ZDHHC14: variants seen among roughly 807,000 people sequenced by gnomAD.
The protein encoded by ZDHHC14 is zDHHC palmitoyltransferase 14.
Under a neutral mutation model 47.7 loss-of-function variants are expected in ZDHHC14, and 16 were observed. The observed-to-expected ratio is 0.34, with a 90% CI of 0.23 to 0.51. The LOEUF (loss-of-function observed/expected upper bound fraction) is 0.51, where lower values mean the gene tolerates loss of function less well. ZDHHC14 is among the 20% of genes least tolerant of loss of function. The pLI is 0.97. For synonymous variants in ZDHHC14, 293 were observed against 278.9 expected, an observed-to-expected ratio of 1.05 and a Z score of -0.50; for missense variants, 515 against 662.5, an observed-to-expected ratio of 0.78 and a Z score of 2.44.
chr6:157,464,896 C>T (rs1779170589), intron 1 of ZDHHC14, among the ~76,000 whole-genome samples: 2 of 151,902 alleles, frequency 1.3e-5, no homozygotes, highest in Non-Finnish European at 2.9e-5. Context: ...TCAGGGCGGG[C>T]CAGCTGTGGC....
Position 157,434,781 on chromosome 6 carries a change from G to A in ZDHHC14, c.245+52515G>A, listed in dbSNP as rs765639552. On this transcript the variant is annotated intron_variant, in intron 1 of 8. Transcript: ENST00000359775. ...AACAAGGCTGCGCCAGTGCCCTCCTGTCAGTTAGACTGTCTGTGGAGCTAT... is the reference window on the plus strand; with the variant it reads ...AACAAGGCTGCGCCAGTGCCCTCCTATCAGTTAGACTGTCTGTGGAGCTAT... 3.3e-5 allele frequency among the ~76,000 whole-genome samples: 5 copies of A among 152,140 alleles called. No individual in the cohort carries two copies. The South Asian group carries it at 6.2e-4, about 19-fold the overall frequency.
chr6:157,408,037 T>G (rs1777802760), intron 1 of ZDHHC14, among the ~76,000 whole-genome samples: 1 of 152,170 alleles, frequency 6.6e-6, no homozygotes, highest in Admixed American at 6.5e-5. Flanking sequence ...AAGAAGGAGT[T>G]AGCTATATTA....
In ZDHHC14 at chr6:157,396,271, A is replaced by T. The variant is rs563269525; in HGVS notation, c.245+14005A>T. On this transcript the variant is annotated intron_variant, in intron 1 of 8. Coordinates refer to ENST00000359775, the MANE Select transcript of ZDHHC14 (RefSeq NM_024630.3). Reference sequence around the variant, plus strand: ...ATGGTCTGCAGAGACTTGCTGTCCCACAAGGGGACAGCTAGGCAAGTAATG... The same window carrying T: ...ATGGTCTGCAGAGACTTGCTGTCCCTCAAGGGGACAGCTAGGCAAGTAATG... 1.1e-4 allele frequency among the ~76,000 whole-genome samples: 16 copies of T among 152,202 alleles called. No individual in the cohort carries two copies. In the South Asian group the frequency reaches 3.3e-3, roughly 32 times the overall value.
intron 8 of ZDHHC14, among the ~76,000 whole-genome samples, chr6:157,654,102 C>T (rs73791284): frequency 0.027 from 4,159 of 152,234 alleles, 192 homozygotes; most frequent in African/African-American, 0.095. Flanking sequence ...TGTAAAATAG[C>T]GCAAATGATC....
chr6:157,598,089 T>C (rs1302836475), intron 3 of ZDHHC14, among the ~76,000 whole-genome samples: 3 of 152,234 alleles, frequency 2.0e-5, no homozygotes, highest in Non-Finnish European at 2.9e-5. Context: ...TTCCTCTGTG[T>C]GTGAGTCTGA....
chr6:157,506,319 A>G lies in ZDHHC14; in HGVS notation c.246-36266A>G, dbSNP rs1353482819. Among the ~76,000 whole-genome samples, 5 of 152,318 alleles carry G rather than the reference A, an allele frequency of 3.3e-5. No individual in the cohort carries two copies. The East Asian group carries it at 9.6e-4, about 29-fold the overall frequency. ...GTCAACCTATCTCAGTTTCCTCATTAGGGAAATGAAAGGGTTAAACTGGAC... is the reference window on the plus strand; with the variant it reads ...GTCAACCTATCTCAGTTTCCTCATTGGGGAAATGAAAGGGTTAAACTGGAC... On this transcript the variant is annotated intron_variant, in intron 1 of 8. Coordinates refer to ENST00000359775, the MANE Select transcript of ZDHHC14 (RefSeq NM_024630.3).
intron 2 of ZDHHC14, among the ~76,000 whole-genome samples, chr6:157,563,717 G>A (rs1467598211): frequency 1.3e-5 from 2 of 152,216 alleles, no homozygotes; most frequent in African/African-American, 2.4e-5. Context: ...CACAAGTCAC[G>A]GATTGCAGAT....
chr6:157,497,134 G>C (rs1780087694), intron 1 of ZDHHC14, among the ~76,000 whole-genome samples: 1 of 152,132 alleles, frequency 6.6e-6, no homozygotes, highest in South Asian at 2.1e-4. Flanking sequence ...GTGATGATTT[G>C]GAAGAGCAAA....
intron 8 of ZDHHC14, among the ~76,000 whole-genome samples, chr6:157,653,871 C>T (rs1226769699): frequency 6.6e-6 from 1 of 152,182 alleles, no homozygotes; most frequent in East Asian, 1.9e-4. Flanking sequence ...TCCACACACG[C>T]GAGCTGTCTG....
At chr6:157,432,627 T>C (rs17165322) in intron 1 of ZDHHC14, among the ~76,000 whole-genome samples, 9,751 of 152,264 alleles carry the variant, frequency 0.064, 452 homozygotes, top group African/African-American at 0.14. Context: ...ATTTAAAATT[T>C]GACTTCCTGC....
At chr6:157,451,625 A>G (rs532323583) in intron 1 of ZDHHC14, among the ~76,000 whole-genome samples, 10 of 152,336 alleles carry the variant, frequency 6.6e-5, no homozygotes, top group African/African-American at 2.2e-4. Flanking sequence ...CAGTGGCGCA[A>G]TATCAGCTCA....
In ZDHHC14 at chr6:157,382,204, G is replaced by T; in HGVS notation, c.183G>T (p.Thr61=). The change falls in exon 1 of 9, where the codon ACG becomes ACT. Residue 61 remains threonine, a synonymous_variant. Transcript: ENST00000359775. Reference sequence around the variant, plus strand: ...GGAGGATCATGATGGCCCGGCAGACGGGCGTCTTCTACCTGACGCTCGTCC... The same window carrying T: ...GGAGGATCATGATGGCCCGGCAGACTGGCGTCTTCTACCTGACGCTCGTCC... ...CNGRIMMARQ[T]GVFYLTLVLI... 1 of 1,613,554 alleles carries T rather than the reference G, an allele frequency of 6.2e-7. No individual in the cohort carries two copies. The highest frequency in any genetic ancestry group is 1.3e-5 in the African/African-American group (1 of 74,952).
intron 1 of ZDHHC14, among the ~76,000 whole-genome samples, chr6:157,458,340 T>C (rs17297585): frequency 0.22 from 33,349 of 152,172 alleles, 3,926 homozygotes; most frequent in African/African-American, 0.27. Flanking sequence ...TTCGTTAGTA[T>C]CTGTTTTTAT....
intron 1 of ZDHHC14, among the ~76,000 whole-genome samples, chr6:157,417,454 G>GA: frequency 6.6e-6 from 1 of 152,298 alleles, no homozygotes. Context: ...CTTTTTAAGA[G>GA]CTGCTTAGCA....
In ZDHHC14 at chr6:157,654,126, G is replaced by A. The variant is rs919167382; in HGVS notation, c.1068+499G>A. On this transcript the variant is annotated intron_variant, in intron 8 of 8. Coordinates refer to ENST00000359775, the MANE Select transcript of ZDHHC14 (RefSeq NM_024630.3). ...GCGCAAATGATCAGACCAGGTGTAC[G>A]TTCACTTGCCACAAAACTGACCAGT... Among the ~76,000 whole-genome samples the A allele has an allele frequency of 4.6e-5, 7 of 152,138 alleles. No individual in the cohort carries two copies. In the South Asian group the frequency reaches 6.2e-4, roughly 13 times the overall value.
chr6:157,502,242 G>C lies in ZDHHC14; in HGVS notation c.246-40343G>C, dbSNP rs529342528. On this transcript the variant is annotated intron_variant, in intron 1 of 8. Transcript: ENST00000359775. The surrounding 1 kb of genome is among the most constrained non-coding windows in gnomAD (Gnocchi z 4.0). ...CTTCCTTTAAGATATGCACAGCCTA[G>C]AAGGGAAGACCAAGAAAGTCATTAT... Among the ~76,000 whole-genome samples, 1 of 152,190 alleles carries C rather than the reference G, an allele frequency of 6.6e-6. No homozygotes were observed. Among genetic ancestry groups the C allele is most frequent in the African/African-American group, 2.4e-5 (1 of 41,448 alleles).
At chr6:157,548,642 C>G (rs1782087764) in intron 2 of ZDHHC14, among the ~76,000 whole-genome samples, 3 of 152,156 alleles carry the variant, frequency 2.0e-5, no homozygotes, top group Admixed American at 1.3e-4. Flanking sequence ...GATGGGGTTT[C>G]TCTGTGTTGG....
intron 3 of ZDHHC14, among the ~76,000 whole-genome samples, chr6:157,611,739 A>G (rs1182670463): frequency 2.0e-5 from 3 of 152,212 alleles, no homozygotes; most frequent in Non-Finnish European, 2.9e-5. Context: ...CCATACCCAG[A>G]AAAGCCACAA....
At chr6:157,613,097 T>C (rs927783751) in intron 3 of ZDHHC14, among the ~76,000 whole-genome samples, 2 of 152,182 alleles carry the variant, frequency 1.3e-5, no homozygotes, top group Non-Finnish European at 2.9e-5. Context: ...TCACTGAAAA[T>C]GACTCATGGT....
Sources: allele counts gnomAD v4.1 joint callset (sites outside exome capture counted in the v4.1 genomes callset), GRCh38; gene constraint gnomAD v4.1.1; non-coding constraint Gnocchi (gnomAD v3.1); transcripts MANE v1.5; gene names NCBI Gene and HGNC (gene_info 2026-07-23, HGNC 2026-07-21).